ATP6V1G1: variants seen among roughly 807,000 people sequenced by gnomAD.
ATP6V1G1 encodes ATPase H+ transporting V1 subunit G1, also known as V-type proton ATPase subunit G 1.
A neutral mutation model predicts 14.2 loss-of-function variants in ATP6V1G1; 14 were observed. That is an observed-to-expected ratio of 0.99 (90% CI 0.65 to 1.55). ATP6V1G1 has a LOEUF of 1.55. Ranked by LOEUF, ATP6V1G1 falls within the 40% of genes most tolerant of loss-of-function variation. The pLI is 0.00. For missense variants in ATP6V1G1, 137 were observed against 146.4 expected (o/e 0.94, Z 0.33); for synonymous variants, 65 against 53.3 (o/e 1.22, Z -0.96).
At chr9:114,594,917 T>C (rs1845222066) in intron 2 of ATP6V1G1, among the ~76,000 whole-genome samples, 1 of 146,500 alleles carries the variant, frequency 6.8e-6, no homozygotes, top group Admixed American at 7.0e-5. Context: ...TGGAGTGCAA[T>C]GGCGCGATCT....
At chr9:114,594,809 C>G (rs1845219708) in intron 2 of ATP6V1G1, among the ~76,000 whole-genome samples, 1 of 151,976 alleles carries the variant, frequency 6.6e-6, no homozygotes, top group Non-Finnish European at 1.5e-5. Context: ...TGGTATTGCA[C>G]TGTAAAGCAC....
Position 114,587,783 on chromosome 9 carries a change from A to G in ATP6V1G1, c.-56A>G, listed in dbSNP as rs535169064. On this transcript the variant is annotated 5_prime_UTR_variant, in exon 1 of 3. Coordinates refer to ENST00000374050, the MANE Select transcript of ATP6V1G1 (RefSeq NM_004888.4). The stretch of plus-strand genomic sequence containing the variant: ...TGTGGGCGGCTGTGTCAGCTGACCC[A>G]AGGGGCCTTCGAGGTGCCTTAGGCC... 4.5e-5 allele frequency: 69 copies of G among 1,536,822 alleles called. No individual in the cohort carries two copies. In the East Asian group the frequency reaches 1.7e-3, roughly 37 times the overall value.
At chr9:114,595,878 A>C (rs1845232699) in intron 2 of ATP6V1G1, among the ~76,000 whole-genome samples, 2 of 152,140 alleles carry the variant, frequency 1.3e-5, no homozygotes, top group South Asian at 4.1e-4. Flanking sequence ...GCAAATATGA[A>C]GGGATGTTAT....
At chr9:114,592,761 G>T (rs2133558552) in intron 2 of ATP6V1G1, 109 bp downstream of exon 2, 1 of 1,142,402 alleles carries the variant, frequency 8.8e-7, no homozygotes, top group Non-Finnish European at 1.2e-6. Flanking sequence ...GTTTGAAAAT[G>T]TGGTAGCTGT....
Position 114,588,510 on chromosome 9 carries a change from AGTGTGTGTGTGT to A in ATP6V1G1, c.82+609_82+620del, listed in dbSNP as rs66783144. ...TGTGTTTCTAACATGTGGCAAGCGCAGTGTGTGTGTGTGTGTGTGTGTGTGTGTGTTTCTGTC... is the reference window on the plus strand; with the variant it reads ...TGTGTTTCTAACATGTGGCAAGCGCAGTGTGTGTGTGTGTGTGTTTCTGTC... On this transcript the variant is annotated intron_variant, in intron 1 of 2. Coordinates refer to ENST00000374050, the MANE Select transcript of ATP6V1G1 (RefSeq NM_004888.4). 9.0e-3 allele frequency among the ~76,000 whole-genome samples: 1,318 copies of A among 147,194 alleles called. 7 individuals carry two copies. Among genetic ancestry groups the A allele is most frequent in the African/African-American group, 0.017 (689 of 39,882 alleles).
chr9:114,597,233 G>A (rs1240448309), intron 2 of ATP6V1G1, among the ~76,000 whole-genome samples: 3 of 151,918 alleles, frequency 2.0e-5, no homozygotes, highest in Non-Finnish European at 4.4e-5. Context: ...CTCGTGATCC[G>A]CCCGCCTCGG....
chr9:114,589,854 G>A (rs1035292780), intron 1 of ATP6V1G1, among the ~76,000 whole-genome samples: 2 of 152,176 alleles, frequency 1.3e-5, no homozygotes, highest in Non-Finnish European at 2.9e-5. Context: ...ATCCTGTCAA[G>A]CCTGGTGCAG....
At chr9:114,592,717 G>A (rs1845195393) in intron 2 of ATP6V1G1, 65 bp downstream of exon 2, 2 of 1,502,616 alleles carry the variant, frequency 1.3e-6, no homozygotes, top group African/African-American at 2.8e-5. Context: ...AAGGCTTTCA[G>A]AATATCCAGC....
At chr9:114,590,399 G>A in intron 1 of ATP6V1G1, among the ~76,000 whole-genome samples, 1 of 151,622 alleles carries the variant, frequency 6.6e-6, no homozygotes, top group East Asian at 1.9e-4. Flanking sequence ...TGGGATTACA[G>A]GTGCCTACCA....
At chr9:114,597,472 GGGT>G in intron 2 of ATP6V1G1, 95 bp from the exon 3 acceptor site, 1 of 1,269,982 alleles carries the variant, frequency 7.9e-7, no homozygotes, top group Middle Eastern at 2.9e-4. Flanking sequence ...AGGTGAGCCT[GGGT>G]TTCTCCAAAA....
chr9:114,591,000 T>C (rs1300295001), intron 1 of ATP6V1G1, among the ~76,000 whole-genome samples: 1 of 152,144 alleles, frequency 6.6e-6, no homozygotes, highest in Non-Finnish European at 1.5e-5. Context: ...TTCACCATAG[T>C]GGCCAGGTTG....
At chr9:114,588,246 C>T (rs1170583194) in intron 1 of ATP6V1G1, 1 of 291,300 alleles carries the variant, frequency 3.4e-6, no homozygotes, top group Non-Finnish European at 6.4e-6. Flanking sequence ...TGGTCAGTCT[C>T]GGTGAAGGGA....
intron 1 of ATP6V1G1, among the ~76,000 whole-genome samples, chr9:114,589,272 CTA>C (rs372757122): frequency 9.2e-5 from 14 of 152,280 alleles, no homozygotes; most frequent in South Asian, 6.2e-4. Context: ...AGAACAGAAA[CTA>C]TGTCTCATTT....
chr9:114,588,050 G>GT, intron 1 of ATP6V1G1, 130 bp downstream of exon 1: 1 of 1,031,458 alleles, frequency 9.7e-7, no homozygotes, highest in Non-Finnish European at 1.4e-6. Context: ...AAGGTTGTGT[G>GT]TTTCGAAGCT....
At chr9:114,590,124 G>A (rs1845167909) in intron 1 of ATP6V1G1, among the ~76,000 whole-genome samples, 1 of 151,632 alleles carries the variant, frequency 6.6e-6, no homozygotes, top group Non-Finnish European at 1.5e-5. Flanking sequence ...CTTGAACCCA[G>A]GAGGCAGAGG....
At position 114,595,229 on chromosome 9, in the gene ATP6V1G1, C is replaced by T. The variant is rs1054112095; in HGVS notation, c.184-2341C>T. The stretch of plus-strand genomic sequence containing the variant: ...CTCTTTAGTTTTTGAGACAACTTAG[C>T]GGAGCTTGGCGTATGGTTTATATTC... On this transcript the variant is annotated intron_variant, in intron 2 of 2. Transcript: ENST00000374050. 7.2e-5 allele frequency among the ~76,000 whole-genome samples: 11 copies of T among 152,210 alleles called. No homozygotes were observed. In the East Asian group the frequency reaches 9.6e-4, roughly 13 times the overall value.
At chr9:114,594,780 T>A (rs2097413156) in intron 2 of ATP6V1G1, among the ~76,000 whole-genome samples, 1 of 152,184 alleles carries the variant, frequency 6.6e-6, no homozygotes, top group African/African-American at 2.4e-5. Flanking sequence ...TGTGCTGTAG[T>A]TGATTATAGA....
At position 114,598,055 on chromosome 9, in the gene ATP6V1G1, T is replaced by TAA. The variant is rs34186321; in HGVS notation, c.*325_*326dup. On this transcript the variant is annotated 3_prime_UTR_variant, in exon 3 of 3. Transcript: ENST00000374050. ...GACTTTTTCTTTCTTAGATCTAGTT[T>TAA]AAAAAAAAAAAAAACCACATAACAA... The TAA allele has an allele frequency of 2.4e-4, 36 of 150,626 alleles. No homozygotes were observed. The highest frequency in any genetic ancestry group is 9.3e-4 in the East Asian group (5 of 5,384). The allele number at this position is 150,626 out of a possible 1,614,324, so 9.3% of individuals were successfully genotyped here. A position where few individuals can be genotyped will look rare whatever the true frequency, so the allele number is the denominator to read the frequency against.
At chr9:114,593,662 A>G (rs1845206073) in intron 2 of ATP6V1G1, among the ~76,000 whole-genome samples, 1 of 151,806 alleles carries the variant, frequency 6.6e-6, no homozygotes, top group Non-Finnish European at 1.5e-5. Context: ...ATGCTCAGCT[A>G]ATTTTTTTTT....
Sources: gnomAD v4.1 joint callset for allele counts (sites outside exome capture counted in the v4.1 genomes callset) on GRCh38, gnomAD v4.1.1 for gene constraint, MANE v1.5 for transcripts, NCBI Gene and HGNC (gene_info 2026-07-23, HGNC 2026-07-21) for gene names.